Variants in TSPAN32 observed in about 807,000 individuals in gnomAD.
TSPAN32 encodes the protein tetraspanin 32, also known as tetraspanin-32.
TSPAN32 carries 47 observed loss-of-function variants against 42.7 expected under a neutral mutation model. The ratio of observed to expected loss-of-function variants is 1.10; its 90% confidence interval spans 0.87 to 1.40. TSPAN32 has a LOEUF of 1.40. Ranked by LOEUF, TSPAN32 falls within the 40% of genes most tolerant of loss-of-function variation. TSPAN32 has a pLI of 0.00. For missense variants in TSPAN32, 469 were observed against 424.1 expected, an observed-to-expected ratio of 1.11 and a Z score of -0.93; for synonymous variants, 175 against 175.9, an observed-to-expected ratio of 0.99 and a Z score of 0.04.
Position 2,317,009 on chromosome 11 carries a change from C to T in TSPAN32, c.720-335C>T, listed in dbSNP as rs1848837339. 1.3e-5 allele frequency among the ~76,000 whole-genome samples: 2 copies of T among 152,146 alleles called. No homozygotes were observed. Among genetic ancestry groups the T allele is most frequent in the Middle Eastern group, 3.4e-3 (1 of 294 alleles). ...CCCAGAGCTCCTCATGCTTAGGGGG[C>T]AGGGAGGGTCCAACCCACAGCCAGG... On this transcript the variant is annotated intron_variant, in intron 8 of 9. Transcript: ENST00000182290. This position sits in a 1 kb window ranked among gnomAD's most constrained non-coding sequence, Gnocchi z 6.2.
chr11:2,313,578 G>T lies in TSPAN32; in HGVS notation c.355-76G>T. The T allele has an allele frequency of 8.4e-7, 1 of 1,188,294 alleles. No homozygotes were observed. Among genetic ancestry groups the T allele is most frequent in the South Asian group, 1.3e-5 (1 of 74,892 alleles). 73.6% of individuals were successfully genotyped at this position (1,188,294 alleles called of 1,614,324 possible). A position where few individuals can be genotyped will look rare whatever the true frequency, so the allele number is the denominator to read the frequency against. On this transcript the variant is annotated intron_variant, in intron 4 of 9. Transcript: ENST00000182290. The surrounding 1 kb of genome is among the most constrained non-coding windows in gnomAD (Gnocchi z 9.1). The stretch of plus-strand genomic sequence containing the variant: ...CAGCACTAAGGGCCCACTAGCGTTT[G>T]GGATGTCGTGGGGAGGGGGCTGTGT...
At chr11:2,315,773 A>C (rs964204757) in intron 6 of TSPAN32, 4 of 1,268,146 alleles carry the variant, frequency 3.2e-6, no homozygotes, top group African/African-American at 3.0e-5. Context: ...CCTGGGATGG[A>C]ACCAGGAAGC....
rs1327870433 is a variant in TSPAN32 at position 2,304,657 on chromosome 11, C to G, written c.279+453C>G. Reference sequence around the variant, plus strand: ...CCAGGCTCAGGAAACGCCCCTTGAGCTCTCCAGCCTGGGCTCTCCGGAGCT... The same window carrying G: ...CCAGGCTCAGGAAACGCCCCTTGAGGTCTCCAGCCTGGGCTCTCCGGAGCT... On this transcript the variant is annotated intron_variant, in intron 3 of 9. Coordinates refer to ENST00000182290, the MANE Select transcript of TSPAN32 (RefSeq NM_139022.3). The surrounding 1 kb of genome is among the most constrained non-coding windows in gnomAD (Gnocchi z 4.8). Among the ~76,000 whole-genome samples the G allele has an allele frequency of 6.6e-6, 1 of 152,082 alleles. No homozygotes were observed. Among genetic ancestry groups the G allele is most frequent in the Non-Finnish European group, 1.5e-5 (1 of 68,000 alleles).
In TSPAN32 at chr11:2,317,616, A is replaced by G; in HGVS notation, c.901+91A>G. The G allele has an allele frequency of 6.7e-7, 1 of 1,498,310 alleles. No individual in the cohort carries two copies. The highest frequency in any genetic ancestry group is 8.9e-7 in the Non-Finnish European group (1 of 1,128,176). 92.8% of individuals were successfully genotyped at this position (1,498,310 alleles called of 1,614,324 possible). A position where few individuals can be genotyped will look rare whatever the true frequency, so the allele number is the denominator to read the frequency against. ...GAAGGGAGTGAAGGCCCAGCCAGAG[A>G]GCCAGGCTCCATTGGGAACAGATGC... On this transcript the variant is annotated intron_variant, in intron 9 of 9. Coordinates refer to ENST00000182290, the MANE Select transcript of TSPAN32 (RefSeq NM_139022.3). The surrounding 1 kb of genome is among the most constrained non-coding windows in gnomAD (Gnocchi z 6.2).
chr11:2,307,076 G>A, intron 3 of TSPAN32: 1 of 154,148 alleles, frequency 6.5e-6, no homozygotes, highest in African/African-American at 2.4e-5. Flanking sequence ...GGAGGAGGCA[G>A]CTCCCAGGCC....
intron 3 of TSPAN32, among the ~76,000 whole-genome samples, chr11:2,307,463 C>G (rs2237860): frequency 2.0e-5 from 3 of 151,882 alleles, no homozygotes; most frequent in Admixed American, 1.3e-4. Context: ...GGGAGCTGCC[C>G]GGTCGGTGGC....
rs767587280 is a variant in TSPAN32, at chr11:2,304,230, C to A, written c.279+26C>A. ...GTGAGTTCATTGTGTTCCCAGATGC[C>A]CAGGCCCCCAGAAAAGAATTAGAAA... On this transcript the variant is annotated intron_variant, in intron 3 of 9. Coordinates refer to ENST00000182290, the MANE Select transcript of TSPAN32 (RefSeq NM_139022.3). The surrounding 1 kb of genome is among the most constrained non-coding windows in gnomAD (Gnocchi z 4.8). 2.8e-5 allele frequency: 41 copies of A among 1,459,434 alleles called. 1 individual carries two copies. In the Middle Eastern group the frequency reaches 3.9e-3, roughly 138 times the overall value. The allele number at this position is 1,459,434 out of a possible 1,614,324, so 90.4% of individuals were successfully genotyped here.
At chr11:2,306,118 TG>T (rs1482936145) in intron 3 of TSPAN32, among the ~76,000 whole-genome samples, 2 of 151,708 alleles carry the variant, frequency 1.3e-5, no homozygotes, top group African/African-American at 4.8e-5. Flanking sequence ...CATACGGGTG[TG>T]GTGTCTGCGT....
chr11:2,309,546 ACAG>A (rs909812227), intron 4 of TSPAN32: 1 of 357,048 alleles, frequency 2.8e-6, no homozygotes, highest in Non-Finnish European at 5.8e-6. Context: ...GGCACCAGGG[ACAG>A]CCACGGGCAG....
At chr11:2,303,267 C>G (rs991590765) in intron 2 of TSPAN32, 3 of 285,968 alleles carry the variant, frequency 1.0e-5, no homozygotes, top group African/African-American at 4.5e-5. Context: ...GCAGTCAGGG[C>G]TCAGTCCCAG....
At chr11:2,315,913 A>C in intron 6 of TSPAN32, 5 of 1,469,126 alleles carry the variant, frequency 3.4e-6, no homozygotes, top group Non-Finnish European at 4.6e-6. Flanking sequence ...CCCAGAGTGA[A>C]TTCGAAGTGG....
At chr11:2,316,539 TG>T in intron 7 of TSPAN32, 36 bp from the exon 8 acceptor site, 1 of 1,605,120 alleles carries the variant, frequency 6.2e-7, no homozygotes, top group Non-Finnish European at 8.5e-7. Context: ...GCCCGCACCC[TG>T]GGGCAGTGGG....
At position 2,302,158 on chromosome 11, in the gene TSPAN32, T is replaced by C. The variant is rs1482579237; in HGVS notation, c.9T>C (p.Pro3=). MG[P]WSRVRVAKCQ... is the part of the protein sequence containing the mutation. Reference sequence around the variant, plus strand: ...AGAGGAGAGGAACCGTCATGGGGCCTTGGAGTCGAGTCAGGGTTGCCAAAT... The same window carrying C: ...AGAGGAGAGGAACCGTCATGGGGCCCTGGAGTCGAGTCAGGGTTGCCAAAT... Residue 3 remains proline (P), a synonymous_variant, in exon 1 of 10, where the codon CCT becomes CCC. Transcript: ENST00000182290. 14 of 1,442,422 alleles carry C rather than the reference T, an allele frequency of 9.7e-6. 1 individual carries two copies. The South Asian group carries it at 1.6e-4, about 17-fold the overall frequency. The allele number at this position is 1,442,422 out of a possible 1,614,324, so 89.4% of individuals were successfully genotyped here. A position where few individuals can be genotyped will look rare whatever the true frequency, so the allele number is the denominator to read the frequency against.
At position 2,304,141 on chromosome 11, in the gene TSPAN32, G is replaced by A. The variant is rs1847927961; in HGVS notation, c.216G>A (p.Leu72=). 6.3e-7 allele frequency: 1 copy of A among 1,588,816 alleles called. No homozygotes were observed. The highest frequency in any genetic ancestry group is 8.6e-7 in the Non-Finnish European group (1 of 1,167,836). ...FSAGLSLVGL[L]TLGAVLSAAA... ...CGGGGTTGAGCCTGGTGGGCCTCCT[G>A]ACTCTGGGAGCCGTGCTGAGCGCTG... The change falls in exon 3 of 10, where the codon CTG becomes CTA. Residue 72 remains leucine (L), a synonymous_variant. Transcript: ENST00000182290. The surrounding 1 kb of genome is among the most constrained non-coding windows in gnomAD (Gnocchi z 4.8).
chr11:2,302,965 G>A lies in TSPAN32; in HGVS notation c.181+7G>A. 1.2e-6 allele frequency: 2 copies of A among 1,612,234 alleles called. No individual in the cohort carries two copies. Among genetic ancestry groups the A allele is most frequent in the Non-Finnish European group, 1.7e-6 (2 of 1,178,828 alleles). On this transcript the variant is annotated splice_region_variant and intron_variant, in intron 2 of 9. Transcript: ENST00000182290. ...CAGGCTGTGCACCAATGGGGTAAGT[G>A]AGGTCCAGGCCTGGCTGCATCGGGA... is the stretch of plus-strand genomic sequence containing the variant.
intron 8 of TSPAN32, 66 bp downstream of exon 8, chr11:2,316,733 G>GGCAGAGCAGATGC: frequency 6.8e-7 from 1 of 1,466,734 alleles, no homozygotes; most frequent in Non-Finnish European, 9.1e-7. Context: ...AGAGGCATCT[G>GGCAGAGCAGATGC]CTCTGCCAGC....
intron 4 of TSPAN32, chr11:2,309,475 G>GAGC (rs904735659): frequency 7.2e-6 from 3 of 414,632 alleles, no homozygotes; most frequent in African/African-American, 6.1e-5. Context: ...CTCGGTAGCA[G>GAGC]AGCCAGCCCC....
At position 2,317,815 on chromosome 11, in the gene TSPAN32, C is replaced by T; in HGVS notation, c.902-48C>T. 1 of 1,606,488 alleles carries T rather than the reference C, an allele frequency of 6.2e-7. No homozygotes were observed. The highest frequency in any genetic ancestry group is 8.5e-7 in the Non-Finnish European group (1 of 1,177,582). On this transcript the variant is annotated intron_variant, in intron 9 of 9. Transcript: ENST00000182290. The surrounding 1 kb of genome is among the most constrained non-coding windows in gnomAD (Gnocchi z 6.2). ...CTGGTTTTCTATGCTGCGTAAGAAG[C>T]AGCATGGATGTAAGGACTGCAAGCA... is the stretch of plus-strand genomic sequence containing the variant.
At chr11:2,309,093 C>G (rs1848310354) in intron 4 of TSPAN32, among the ~76,000 whole-genome samples, 2 of 152,120 alleles carry the variant, frequency 1.3e-5, no homozygotes, top group Admixed American at 1.3e-4. Context: ...CAGCCCACCC[C>G]CTCCTGAGCT....
Sources: gnomAD v4.1 joint callset for allele counts (sites outside exome capture counted in the v4.1 genomes callset) on GRCh38, gnomAD v4.1.1 for gene constraint, Gnocchi (gnomAD v3.1) non-coding constraint, MANE v1.5 for transcripts, NCBI Gene and HGNC (gene_info 2026-07-23, HGNC 2026-07-21) for gene names.